Variants in AJAP1 observed in about 807,000 individuals in gnomAD.
AJAP1 encodes adherens junctions associated protein 1, also known as adherens junction-associated protein 1.
Under a neutral mutation model 35.0 loss-of-function variants are expected in AJAP1, and 5 were observed. The ratio of observed to expected loss-of-function variants is 0.14; its 90% CI spans 0.07 to 0.30. AJAP1 has a LOEUF of 0.30. Among genes scored for constraint, AJAP1 ranks in the 10% least tolerant of loss-of-function variants. The probability of loss-of-function intolerance (pLI) is 1.00; values close to 1 mark genes in which losing one functional copy is unlikely to be tolerated. For synonymous variants in AJAP1, 284 were observed against 249.3 expected (o/e 1.14, Z -1.31); for missense variants, 586 against 571.0 (o/e 1.03, Z -0.27).
intron 5 of AJAP1, among the ~76,000 whole-genome samples, chr1:4,779,857 G>A (rs1027067860): frequency 2.6e-5 from 4 of 151,996 alleles, no homozygotes; most frequent in Non-Finnish European, 5.9e-5. Context: ...AAAATTTACC[G>A]TTTTAGGCCA....
intron 1 of AJAP1, among the ~76,000 whole-genome samples, chr1:4,709,113 G>T (rs1182557460): frequency 6.6e-6 from 1 of 152,202 alleles, no homozygotes; most frequent in Non-Finnish European, 1.5e-5. Context: ...AGGCAGGCAC[G>T]GGCTTAGGTG....
chr1:4,659,172 CAG>C (rs1638946831), intron 1 of AJAP1, among the ~76,000 whole-genome samples: 1 of 152,212 alleles, frequency 6.6e-6, no homozygotes, highest in African/African-American at 2.4e-5. Flanking sequence ...GGGCTCCTCT[CAG>C]GGGTTATATA....
intron 1 of AJAP1, among the ~76,000 whole-genome samples, chr1:4,668,440 C>T (rs982064269): frequency 1.7e-4 from 26 of 152,138 alleles, no homozygotes; most frequent in African/African-American, 5.6e-4. Context: ...TACATGTCTG[C>T]ACTTTTTCCT....
At chr1:4,731,021 T>C (rs1361331899) in intron 2 of AJAP1, among the ~76,000 whole-genome samples, 1 of 152,196 alleles carries the variant, frequency 6.6e-6, no homozygotes, top group African/African-American at 2.4e-5. Flanking sequence ...TAAGAACATT[T>C]GTTTTTTGTT....
At position 4,701,225 on chromosome 1, in the gene AJAP1, T is replaced by C. The variant is rs574337671; in HGVS notation, c.30-10675T>C. Among the ~76,000 whole-genome samples, 11 of 152,316 alleles carry C rather than the reference T, an allele frequency of 7.2e-5. No individual in the cohort carries two copies. The South Asian group carries it at 2.3e-3, about 32-fold the overall frequency. ...AGTGGAGGAGTGCTGGGTGCTCCCGTGAGCAGTCACAAAGAACCAGGCTTA... is the reference window on the plus strand; with the variant it reads ...AGTGGAGGAGTGCTGGGTGCTCCCGCGAGCAGTCACAAAGAACCAGGCTTA... On this transcript the variant is annotated intron_variant, in intron 1 of 5. Coordinates refer to ENST00000378191, the MANE Select transcript of AJAP1 (RefSeq NM_018836.4).
At chr1:4,773,315 G>A (rs1017146745) in intron 4 of AJAP1, among the ~76,000 whole-genome samples, 39 of 152,210 alleles carry the variant, frequency 2.6e-4, no homozygotes, top group Non-Finnish European at 4.7e-4. Context: ...CAAGGTGACT[G>A]GACTCGAGTT....
At chr1:4,751,363 T>C (rs1481260948) in intron 2 of AJAP1, among the ~76,000 whole-genome samples, 3 of 152,212 alleles carry the variant, frequency 2.0e-5, no homozygotes, top group African/African-American at 7.2e-5. Flanking sequence ...TATTAGCTGA[T>C]GCTTCCTGAC....
Position 4,751,227 on chromosome 1 carries a change from C to T in AJAP1, c.830-18626C>T, listed in dbSNP as rs146408103. On this transcript the variant is annotated intron_variant, in intron 2 of 5. Coordinates refer to ENST00000378191, the MANE Select transcript of AJAP1 (RefSeq NM_018836.4). ...CTGGACCCGGCAGAGCCTTTTGTGA[C>T]CTGGGAAGGATCCAGCCTTGGTCGC... is the stretch of plus-strand genomic sequence containing the variant. Among the ~76,000 whole-genome samples, 23 of 152,246 alleles carry T rather than the reference C, an allele frequency of 1.5e-4. No homozygotes were observed. The East Asian group carries it at 3.9e-3, about 26-fold the overall frequency.
rs1333776225 is a variant in AJAP1 at position 4,720,729 on chromosome 1, C to T, written c.829+8030C>T. ...TCACCGGTGGCTCTGCCAGGGTAATCGAATGGTGTTTGTGGTGGGAAAATG... is the reference window on the plus strand; with the variant it reads ...TCACCGGTGGCTCTGCCAGGGTAATTGAATGGTGTTTGTGGTGGGAAAATG... On this transcript the variant is annotated intron_variant, in intron 2 of 5. Coordinates refer to ENST00000378191, the MANE Select transcript of AJAP1 (RefSeq NM_018836.4). This position sits in a 1 kb window ranked among gnomAD's most constrained non-coding sequence, Gnocchi z 4.4. 2.6e-5 allele frequency among the ~76,000 whole-genome samples: 4 copies of T among 152,154 alleles called. No homozygotes were observed. The highest frequency in any genetic ancestry group is 7.2e-5 in the African/African-American group (3 of 41,424).
chr1:4,728,172 G>C (rs1640713545), intron 2 of AJAP1, among the ~76,000 whole-genome samples: 1 of 152,230 alleles, frequency 6.6e-6, no homozygotes, highest in South Asian at 2.1e-4. Flanking sequence ...AACCAGGCGA[G>C]GGTCTGTGGG....
chr1:4,679,147 C>T (rs1425760583), intron 1 of AJAP1, among the ~76,000 whole-genome samples: 2 of 152,140 alleles, frequency 1.3e-5, no homozygotes, highest in African/African-American at 2.4e-5. Context: ...TGGAAGAGAA[C>T]CATCCTATTT....
intron 1 of AJAP1, among the ~76,000 whole-genome samples, chr1:4,659,307 A>G (rs1419223591): frequency 6.6e-6 from 1 of 152,334 alleles, no homozygotes; most frequent in Admixed American, 6.5e-5. Context: ...TAGATTTTAC[A>G]TTTGAAGTCT....
rs1304600862 is a variant in AJAP1, at chr1:4,790,563, C to T, written c.*8078C>T. The T allele has an allele frequency of 1.3e-5, 2 of 152,264 alleles. No individual in the cohort carries two copies. The highest frequency in any genetic ancestry group is 2.9e-5 in the Non-Finnish European group (2 of 68,056). 9.4% of individuals were successfully genotyped at this position (152,264 alleles called of 1,614,324 possible). On this transcript the variant is annotated 3_prime_UTR_variant, in exon 6 of 6. Transcript: ENST00000378191. The stretch of plus-strand genomic sequence containing the variant: ...TTGCCCACACCCTCCTTGAATTTAA[C>T]TGCCACAATCTATCCGCAGATGTGT...
In AJAP1 at chr1:4,782,644, C is replaced by T. The variant is rs1642087468; in HGVS notation, c.*159C>T. ...CTAAGGGGGAGGGTCCCCGCACCTA[C>T]CACTTCTGTTTGCCGGTGGGAAACT... On this transcript the variant is annotated 3_prime_UTR_variant, in exon 6 of 6. Coordinates refer to ENST00000378191, the MANE Select transcript of AJAP1 (RefSeq NM_018836.4). This position sits in a 1 kb window ranked among gnomAD's most constrained non-coding sequence, Gnocchi z 5.3. 3 of 398,180 alleles carry T rather than the reference C, an allele frequency of 7.5e-6. No individual in the cohort carries two copies. The highest frequency in any genetic ancestry group is 4.4e-6 in the Non-Finnish European group (1 of 226,030). 24.7% of individuals were successfully genotyped at this position (398,180 alleles called of 1,614,324 possible). A position where few individuals can be genotyped will look rare whatever the true frequency, so the allele number is the denominator to read the frequency against.
At chr1:4,730,387 C>G (rs974586145) in intron 2 of AJAP1, among the ~76,000 whole-genome samples, 1 of 152,210 alleles carries the variant, frequency 6.6e-6, no homozygotes. Flanking sequence ...CAGAGCCAGG[C>G]TGAATCCGCA....
chr1:4,663,403 C>T (rs571321749), intron 1 of AJAP1, among the ~76,000 whole-genome samples: 10 of 152,068 alleles, frequency 6.6e-5, no homozygotes, highest in African/African-American at 2.4e-4. Context: ...AAGGGGCAGC[C>T]CTCAAGCAGG....
intron 1 of AJAP1, among the ~76,000 whole-genome samples, chr1:4,667,741 C>T (rs1223894569): frequency 6.6e-6 from 1 of 152,136 alleles, no homozygotes; most frequent in Non-Finnish European, 1.5e-5. Context: ...CCTTAGAGAA[C>T]CGGACCCCCA....
At chr1:4,747,311 G>A (rs990754040) in intron 2 of AJAP1, among the ~76,000 whole-genome samples, 9 of 152,114 alleles carry the variant, frequency 5.9e-5, no homozygotes, top group Middle Eastern at 3.4e-3. Context: ...GTTGTTCCCC[G>A]CTCCTCCAAA....
At chr1:4,675,168 C>T (rs1424187340) in intron 1 of AJAP1, among the ~76,000 whole-genome samples, 1 of 152,194 alleles carries the variant, frequency 6.6e-6, no homozygotes, top group African/African-American at 2.4e-5. Flanking sequence ...GTCCACAAGA[C>T]CACTCCCACT....
Sources: gnomAD v4.1 joint callset for allele counts (sites outside exome capture counted in the v4.1 genomes callset) on GRCh38, gnomAD v4.1.1 for gene constraint, Gnocchi (gnomAD v3.1) non-coding constraint, MANE v1.5 for transcripts, NCBI Gene and HGNC (gene_info 2026-07-23, HGNC 2026-07-21) for gene names.